The following GRAMD1C variants were observed in gnomAD, a reference collection of about 807,000 sequenced individuals.
GRAMD1C encodes protein Aster-C.
A neutral mutation model predicts 97.8 loss-of-function variants in GRAMD1C; 89 were observed. The observed-to-expected ratio is 0.91, with a 90% CI of 0.77 to 1.09. The LOEUF is 1.09. Ranked by LOEUF, GRAMD1C falls within the 50% of genes least tolerant of loss-of-function variation. GRAMD1C has a pLI of 0.00. For synonymous variants in GRAMD1C, 256 were observed against 267.0 expected (o/e 0.96, Z 0.40); for missense variants, 740 against 766.4 (o/e 0.97, Z 0.41).
At chr3:113,920,503 T>C (rs1217295255) in intron 10 of GRAMD1C, among the ~76,000 whole-genome samples, 1 of 152,184 alleles carries the variant, frequency 6.6e-6, no homozygotes, top group African/African-American at 2.4e-5. Context: ...TTAAAAATTT[T>C]CGGGTGAGAA....
intron 5 of GRAMD1C, among the ~76,000 whole-genome samples, chr3:113,878,588 A>G (rs1172904064): frequency 6.6e-6 from 1 of 152,102 alleles, no homozygotes; most frequent in Non-Finnish European, 1.5e-5. Context: ...CTATCCATCC[A>G]TCCATCTAAA....
At position 113,890,689 on chromosome 3, in the gene GRAMD1C, C is replaced by T. The variant is rs116661171; in HGVS notation, c.540+7857C>T. 2,881 of 685,608 alleles carry T rather than the reference C, an allele frequency of 4.2e-3. 15 individuals carry two copies. The highest frequency in any genetic ancestry group is 6.4e-3 in the Non-Finnish European group (2,395 of 376,200). 42.5% of individuals were successfully genotyped at this position (685,608 alleles called of 1,614,324 possible). On this transcript the variant is annotated intron_variant, in intron 6 of 17. Coordinates refer to ENST00000358160, the MANE Select transcript of GRAMD1C (RefSeq NM_017577.5). The stretch of plus-strand genomic sequence containing the variant: ...CATTCTAGCAAGGCACCAGCGACAT[C>T]GCAGACTATGCTTGGTTATATACTG...
intron 6 of GRAMD1C, among the ~76,000 whole-genome samples, chr3:113,891,526 G>T (rs950101348): frequency 6.6e-6 from 1 of 151,786 alleles, no homozygotes; most frequent in African/African-American, 2.4e-5. Flanking sequence ...ATACAGCATA[G>T]CTACAAAATT....
upstream of GRAMD1C, among the ~76,000 whole-genome samples, chr3:113,837,079 CCCTT>C (rs1341855630): frequency 2.6e-5 from 4 of 152,048 alleles, no homozygotes; most frequent in East Asian, 3.9e-4. Flanking sequence ...TTCCCTCCCT[CCCTT>C]CCTTCCTTCT....
chr3:113,832,352 G>A (rs965286546), intron 1 of GRAMD1C, among the ~76,000 whole-genome samples: 4 of 152,082 alleles, frequency 2.6e-5, no homozygotes, highest in African/African-American at 9.7e-5. Context: ...TGAAAATCAG[G>A]TTGTACACCT....
upstream of GRAMD1C, among the ~76,000 whole-genome samples, chr3:113,834,178 A>G (rs1210339414): frequency 6.6e-6 from 1 of 151,380 alleles, no homozygotes; most frequent in African/African-American, 2.4e-5. Flanking sequence ...TTACACCTCC[A>G]TTATTATTAT....
At chr3:113,839,182 C>G (rs1709708535) in intron 1 of GRAMD1C, among the ~76,000 whole-genome samples, 2 of 152,140 alleles carry the variant, frequency 1.3e-5, no homozygotes, top group Admixed American at 6.6e-5. Flanking sequence ...GAATTTGGTC[C>G]CGAAATGTCC....
chr3:113,839,500 T>G (rs569623226), intron 1 of GRAMD1C, among the ~76,000 whole-genome samples: 1 of 151,522 alleles, frequency 6.6e-6, no homozygotes, highest in African/African-American at 2.5e-5. Flanking sequence ...TTGGTTTGTG[T>G]GTATGTATTT....
In GRAMD1C at chr3:113,885,422, G is replaced by A. The variant is rs1421640756; in HGVS notation, c.540+2590G>A. On this transcript the variant is annotated intron_variant, in intron 6 of 17. Coordinates refer to ENST00000358160, the MANE Select transcript of GRAMD1C (RefSeq NM_017577.5). ...ACGGTAATTCAGTACCAAACTGTTC[G>A]ATATGATATCCTCCCCTTATCTCCT... 7 of 1,572,730 alleles carry A rather than the reference G, an allele frequency of 4.5e-6. No homozygotes were observed. In the African/African-American group the frequency reaches 5.4e-5, roughly 12 times the overall value.
At chr3:113,850,403 C>A in intron 2 of GRAMD1C, 2 of 958,020 alleles carry the variant, frequency 2.1e-6, no homozygotes, top group Non-Finnish European at 3.4e-6. Flanking sequence ...AGGTCGCTCA[C>A]CCTCCAGACC....
intron 14 of GRAMD1C, 56 bp from the exon 15 acceptor site, chr3:113,938,030 G>T (rs1309986626): frequency 4.8e-6 from 4 of 827,216 alleles, no homozygotes; most frequent in African/African-American, 3.6e-5. Flanking sequence ...AAAAAATTTG[G>T]ATCAGTTGTA....
intron 2 of GRAMD1C, among the ~76,000 whole-genome samples, chr3:113,863,137 T>C (rs1004686719): frequency 1.3e-5 from 2 of 152,224 alleles, no homozygotes; most frequent in Non-Finnish European, 2.9e-5. Flanking sequence ...TACATGAATA[T>C]TCATAACAGC....
At chr3:113,839,700 T>C (rs906266973) in intron 1 of GRAMD1C, among the ~76,000 whole-genome samples, 3 of 152,232 alleles carry the variant, frequency 2.0e-5, no homozygotes, top group Non-Finnish European at 2.9e-5. Context: ...TTCAGTTATG[T>C]CCCTGGCACT....
At chr3:113,879,762 C>T (rs981124284) in intron 5 of GRAMD1C, among the ~76,000 whole-genome samples, 4 of 147,102 alleles carry the variant, frequency 2.7e-5, no homozygotes, top group East Asian at 2.0e-4. Flanking sequence ...GGCATGATCT[C>T]GGCTCACTGC....
rs1289830487 is a variant in GRAMD1C at position 113,865,152 on chromosome 3, C to A, written c.175-4355C>A. Among the ~76,000 whole-genome samples, 9 of 152,108 alleles carry A rather than the reference C, an allele frequency of 5.9e-5. No homozygotes were observed. In the East Asian group the frequency reaches 9.7e-4, roughly 16 times the overall value. ...GAAAGAGACAAAGCATGAGAGGCAA[C>A]CTTGGTTTATAATAACCTGCTCTTT... On this transcript the variant is annotated intron_variant, in intron 2 of 17. Coordinates refer to ENST00000358160, the MANE Select transcript of GRAMD1C (RefSeq NM_017577.5).
intron 2 of GRAMD1C, among the ~76,000 whole-genome samples, chr3:113,854,590 A>G (rs7646432): frequency 0.029 from 4,375 of 152,214 alleles, 231 homozygotes; most frequent in African/African-American, 0.1. Flanking sequence ...TTAAGGGCAA[A>G]AACCTGACTA....
At chr3:113,883,730 A>G (rs1935347533) in intron 6 of GRAMD1C, among the ~76,000 whole-genome samples, 1 of 152,178 alleles carries the variant, frequency 6.6e-6, no homozygotes, top group Non-Finnish European at 1.5e-5. Context: ...AGAGACAAGG[A>G]AGAATAAAGG....
In GRAMD1C at chr3:113,844,650, GT is replaced by G; in HGVS notation, c.174+2del. On this transcript the variant is annotated splice_donor_variant, in intron 2 of 17. Coordinates refer to ENST00000358160, the MANE Select transcript of GRAMD1C (RefSeq NM_017577.5). LOFTEE classifies it high-confidence loss of function. ...TTGGAGTGGTGACTGGAGCTTTTGG[GT>G]AATTTCTTTTTTTACGTCTTTATTT... 4 of 1,575,962 alleles carry G rather than the reference GT, an allele frequency of 2.5e-6. No individual in the cohort carries two copies. Among genetic ancestry groups the G allele is most frequent in the Non-Finnish European group, 3.4e-6 (4 of 1,165,036 alleles).
At chr3:113,907,409 G>A (rs1446198620) in intron 8 of GRAMD1C, among the ~76,000 whole-genome samples, 3 of 152,160 alleles carry the variant, frequency 2.0e-5, no homozygotes, top group African/African-American at 4.8e-5. Flanking sequence ...ACTGGTGCAA[G>A]GGAAGTGAAT....
Sources: gnomAD v4.1 joint callset for allele counts (sites outside exome capture counted in the v4.1 genomes callset) on GRCh38, gnomAD v4.1.1 for gene constraint, MANE v1.5 for transcripts, NCBI Gene and HGNC (gene_info 2026-07-23, HGNC 2026-07-21) for gene names.